Variants in CCAR2 observed in about 807,000 individuals in gnomAD.
CCAR2 encodes cell cycle and apoptosis regulator 2.
A neutral mutation model predicts 108.1 loss-of-function variants in CCAR2; 21 were observed. The observed-to-expected ratio is 0.19, with a 90% CI of 0.14 to 0.28. The LOEUF (loss-of-function observed/expected upper bound fraction) is 0.28, where lower values mean the gene tolerates loss of function less well. CCAR2 is among the 10% of genes least tolerant of loss of function. CCAR2 has a pLI of 1.00. For missense variants in CCAR2, 1,126 were observed against 1,177.0 expected (o/e 0.96, Z 0.63); for synonymous variants, 577 against 472.8 (o/e 1.22, Z -2.86).
At position 22,607,342 on chromosome 8, in the gene CCAR2, C is replaced by T. The variant is rs376184863; in HGVS notation, c.487+17C>T. On this transcript the variant is annotated intron_variant, in intron 6 of 20. Coordinates refer to ENST00000308511, the MANE Select transcript of CCAR2 (RefSeq NM_001393997.1). ...CTCAGAAGCGTGAGTACGAGTGGCACTGTTGTTGGGTGTGGCATTATGGGG... is the reference window on the plus strand; with the variant it reads ...CTCAGAAGCGTGAGTACGAGTGGCATTGTTGTTGGGTGTGGCATTATGGGG... The T allele has an allele frequency of 1.9e-6, 3 of 1,607,608 alleles. No homozygotes were observed. In the South Asian group the frequency reaches 3.3e-5, roughly 18 times the overall value.
Position 22,618,728 on chromosome 8 carries a change from G to GGTAT in CCAR2, c.2332+3_2332+6dup. The GGTAT allele has an allele frequency of 6.2e-7, 1 of 1,613,910 alleles. No homozygotes were observed. The highest frequency in any genetic ancestry group is 8.5e-7 in the Non-Finnish European group (1 of 1,179,984). On this transcript the variant is annotated frameshift_variant and splice_region_variant. Coordinates refer to ENST00000308511, the MANE Select transcript of CCAR2 (RefSeq NM_001393997.1). LOFTEE classifies it high-confidence loss of function. ...TGGCCTTCCCGAGGAGGTGCTCTTC[G>GGTAT]GTATGTTCTGGGGCCCTGCAGCCTT...
rs774670472 is a variant in CCAR2 at position 22,618,879 on chromosome 8, C to T, written c.2385C>T (p.Ala795=). Residue 795 remains alanine (A), a synonymous_variant, in exon 19 of 21, where the codon GCC becomes GCT. Coordinates refer to ENST00000308511, the MANE Select transcript of CCAR2 (RefSeq NM_001393997.1). ...PPGKSTKPGA[A]PTEHKALVSH... Reference sequence around the variant, plus strand: ...GGAAAAGCACGAAGCCAGGTGCTGCCCCCACAGAACACAAAGCCTTGGTGT... The same window carrying T: ...GGAAAAGCACGAAGCCAGGTGCTGCTCCCACAGAACACAAAGCCTTGGTGT... 1.2e-6 allele frequency: 2 copies of T among 1,614,008 alleles called. No individual in the cohort carries two copies. Among genetic ancestry groups the T allele is most frequent in the Non-Finnish European group, 8.5e-7 (1 of 1,180,034 alleles).
rs199962640 is a variant in CCAR2, at chr8:22,619,990, C to T, written c.*308C>T. 22 of 423,176 alleles carry T rather than the reference C, an allele frequency of 5.2e-5. No individual in the cohort carries two copies. Among genetic ancestry groups the T allele is most frequent in the Non-Finnish European group, 8.3e-5 (19 of 229,882 alleles). 26.2% of individuals were successfully genotyped at this position (423,176 alleles called of 1,614,324 possible). ...CTTTTAGTCTTGTGCTGACTTTCTC[C>T]TGTCCTCTTCCAGTTTAGAATAAGA... On this transcript the variant is annotated 3_prime_UTR_variant, in exon 21 of 21. Transcript: ENST00000308511.
intron 17 of CCAR2, 51 bp from the exon 18 acceptor site, chr8:22,618,560 CGCCCAT>C (rs1392115080): frequency 6.2e-7 from 1 of 1,613,860 alleles, no homozygotes; most frequent in Non-Finnish European, 8.5e-7. Context: ...TCTAGGTTCC[CGCCCAT>C]GGCCAGGGTC....
rs113067863 is a variant in CCAR2, at chr8:22,606,798, G to A, written c.242+100G>A. On this transcript the variant is annotated intron_variant, in intron 4 of 20. Coordinates refer to ENST00000308511, the MANE Select transcript of CCAR2 (RefSeq NM_001393997.1). ...CCCGCCTCAAAGCCATTGCTTTGCT[G>A]TTTTTGTGCAAGGTGTGGGAAATCT... 21 of 1,481,936 alleles carry A rather than the reference G, an allele frequency of 1.4e-5. 1 individual carries two copies. The African/African-American group carries it at 2.2e-4, about 16-fold the overall frequency. The allele number at this position is 1,481,936 out of a possible 1,614,324, so 91.8% of individuals were successfully genotyped here.
intron 14 of CCAR2, 84 bp from the exon 15 acceptor site, chr8:22,617,336 G>A (rs981769120): frequency 1.6e-5 from 23 of 1,471,704 alleles, no homozygotes; most frequent in Non-Finnish European, 2.1e-5. Context: ...GGGCATAGTT[G>A]ATACTCAGGT....
At chr8:22,619,081 G>A (rs1470113079) in intron 19 of CCAR2, 66 bp downstream of exon 19, 2 of 1,599,812 alleles carry the variant, frequency 1.3e-6, no homozygotes, top group Admixed American at 1.7e-5. Flanking sequence ...TGCTGCTTAG[G>A]CTCAGGCCCT....
In CCAR2 at chr8:22,608,059, G is replaced by A; in HGVS notation, c.578G>A (p.Gly193Asp). 1 of 1,613,182 alleles carries A rather than the reference G, an allele frequency of 6.2e-7. No homozygotes were observed. The highest frequency in any genetic ancestry group is 1.1e-5 in the South Asian group (1 of 90,992). ...GGCCCTCATGGACGGTTGGATCAGG[G>A]CCGAAGGTAAGAGGATGATGTCCCT... ...ARGPHGRLDQ[G>D]RSDDYDSKKR... Residue 193 changes from glycine (G) to aspartate (D), a missense_variant, in exon 7 of 21, where the codon GGC (glycine) becomes GAC (aspartate). Gly to Asp is a moderately conservative substitution (Grantham distance 94, BLOSUM62 -1). Coordinates refer to ENST00000308511, the MANE Select transcript of CCAR2 (RefSeq NM_001393997.1).
chr8:22,616,139 C>G lies in CCAR2; in HGVS notation c.1736C>G (p.Ala579Gly). ...CCTGAACCTGAGAAGGAGGAGGCGG[C>G]CAAGGAAGAAGCCACCAAGGAGGAA... ...SPPEPEKEEA[A>G]KEEATKEEEA... The change falls in exon 14 of 21, where the codon GCC becomes GGC. Residue 579 changes from alanine (A) to glycine (G), a missense_variant. By Grantham distance (60) the Ala-to-Gly change is moderately conservative. This residue lies in a region of CCAR2 where 1,013 missense variants were observed against 993.9 expected (regional missense o/e 1.02). Transcript: ENST00000308511. 1 of 1,613,754 alleles carries G rather than the reference C, an allele frequency of 6.2e-7. No individual in the cohort carries two copies. Among genetic ancestry groups the G allele is most frequent in the Non-Finnish European group, 8.5e-7 (1 of 1,179,860 alleles).
At position 22,616,212 on chromosome 8, in the gene CCAR2, G is replaced by C. The variant is rs59511580; in HGVS notation, c.1809G>C (p.Gln603His). The C allele has an allele frequency of 2.1e-3, 3,454 of 1,613,528 alleles. 114 individuals carry two copies. In the East Asian group the frequency reaches 0.067, roughly 32 times the overall value. The change falls in exon 14 of 21, where the codon CAG becomes CAC. Residue 603 changes from glutamine to histidine, a missense_variant. Around this residue, in one of 4 missense-constraint regions of CCAR2, gnomAD observed 1,013 missense variants for 993.9 expected, o/e 1.02. Coordinates refer to ENST00000308511, the MANE Select transcript of CCAR2 (RefSeq NM_001393997.1). Reference sequence around the variant, plus strand: ...TCAAGGAGCCCAAGGATGAGGCACAGAATGAGGGCCCGGCTACAGAGTCAG... The same window carrying C: ...TCAAGGAGCCCAAGGATGAGGCACACAATGAGGGCCCGGCTACAGAGTCAG... ...EVVKEPKDEA[Q>H]NEGPATESEA...
rs200535311 is a variant in CCAR2, at chr8:22,607,015, C to G, written c.348C>G (p.Leu116=). Residue 116 remains leucine (L), a synonymous_variant, in exon 5 of 21, where the codon CTC becomes CTG. Transcript: ENST00000308511. ...GGAATGCTGTCAAGGTGCAAACGCT[C>G]TCCAACCAGGTATTCATATCTCCTT... ...VPWNAVKVQT[L]SNQPLLKSPA... 15 of 1,613,984 alleles carry G rather than the reference C, an allele frequency of 9.3e-6. No homozygotes were observed. The highest frequency in any genetic ancestry group is 1.6e-4 in the Middle Eastern group (1 of 6,084).
chr8:22,615,498 C>T lies in CCAR2; in HGVS notation c.1279C>T (p.Pro427Ser), dbSNP rs781481003. ...RRLQTVVVYL[P>S]DVWTIMPTLE... ...GCTTCAGACAGTGGTGGTGTACCTG[C>T]CGGATGTCTGGACCATCATGCCTAC... The change falls in exon 12 of 21, where the codon CCG becomes TCG. Residue 427 changes from proline (P) to serine (S), a missense_variant. By Grantham distance (74) the Pro-to-Ser change is moderately conservative. Transcript: ENST00000308511. The T allele has an allele frequency of 6.2e-7, 1 of 1,613,952 alleles. No individual in the cohort carries two copies. The highest frequency in any genetic ancestry group is 1.7e-5 in the Admixed American group (1 of 60,032).
chr8:22,606,860 C>T (rs200883526), intron 4 of CCAR2, 50 bp from the exon 5 acceptor site: 20 of 1,592,108 alleles, frequency 1.3e-5, no homozygotes, highest in Middle Eastern at 3.3e-4. Flanking sequence ...TCAGGGTGGC[C>T]TGGCCAGGGT....
In CCAR2 at chr8:22,606,928, G is replaced by T. The variant is rs1017271069; in HGVS notation, c.261G>T (p.Leu87=). 7 of 1,613,968 alleles carry T rather than the reference G, an allele frequency of 4.3e-6. No homozygotes were observed. The African/African-American group carries it at 9.3e-5, about 22-fold the overall frequency. Reference sequence around the variant, plus strand: ...CTGACAGTGTGGTGAAGGGCCGTCTGCCCCAGCTGGGTGAGAAGGTGCTGG... The same window carrying T: ...CTGACAGTGTGGTGAAGGGCCGTCTTCCCCAGCTGGGTGAGAAGGTGCTGG... ...FFQLSVVKGR[L]PQLGEKVLVK... Residue 87 remains leucine, a synonymous_variant, in exon 5 of 21, where the codon CTG becomes CTT. Coordinates refer to ENST00000308511, the MANE Select transcript of CCAR2 (RefSeq NM_001393997.1).
intron 11 of CCAR2, 108 bp downstream of exon 11, chr8:22,615,109 A>C (rs1399487039): frequency 7.3e-7 from 1 of 1,363,252 alleles, no homozygotes; most frequent in Non-Finnish European, 9.7e-7. Context: ...TCTGCCCCCT[A>C]GTCCCGTTCC....
chr8:22,614,004 A>G, intron 8 of CCAR2, 88 bp from the exon 9 acceptor site: 1 of 1,249,518 alleles, frequency 8.0e-7, no homozygotes, highest in Non-Finnish European at 1.1e-6. Flanking sequence ...CTGAAAAAAA[A>G]TTCGCCCATT....
chr8:22,612,746 C>T (rs774389920), intron 7 of CCAR2: 61 of 270,250 alleles, frequency 2.3e-4, no homozygotes, highest in African/African-American at 7.0e-4. Flanking sequence ...TATTTCCTTT[C>T]AGTCTTCTAA....
rs1801598671 is a variant in CCAR2 at position 22,618,141 on chromosome 8, T to C, written c.2074-208T>C. Reference sequence around the variant, plus strand: ...GTTGCCCAGGCTGGAGCACAGTGGTTATTCACAGGCATGAATATAGTGCAC... The same window carrying C: ...GTTGCCCAGGCTGGAGCACAGTGGTCATTCACAGGCATGAATATAGTGCAC... On this transcript the variant is annotated intron_variant, in intron 16 of 20. Transcript: ENST00000308511. 11 of 635,818 alleles carry C rather than the reference T, an allele frequency of 1.7e-5. No individual in the cohort carries two copies. In the South Asian group the frequency reaches 1.9e-4, roughly 11 times the overall value. The allele number at this position is 635,818 out of a possible 1,614,324, so 39.4% of individuals were successfully genotyped here.
chr8:22,605,063 C>G (rs1294361857), intron 1 of CCAR2: 2 of 267,806 alleles, frequency 7.5e-6, no homozygotes, highest in Non-Finnish European at 1.5e-5. Context: ...GGTGGCCTCG[C>G]CGCGGCTCTG....
Sources: gnomAD v4.1 joint callset for allele counts on GRCh38, gnomAD v4.1.1 for gene constraint, gnomAD v4.1.1 regional missense constraint, MANE v1.5 for transcripts, NCBI Gene and HGNC (gene_info 2026-07-23, HGNC 2026-07-21) for gene names.